Variants in LHX4 observed in about 807,000 individuals in gnomAD.
LHX4 encodes LIM/homeobox protein Lhx4.
Under a neutral mutation model 39.2 loss-of-function variants are expected in LHX4, and 16 were observed. The observed-to-expected ratio is 0.41, with a 90% CI of 0.28 to 0.62. The LOEUF (loss-of-function observed/expected upper bound fraction) is 0.62. Among genes scored for constraint, LHX4 ranks in the 20% least tolerant of loss-of-function variants. LHX4 has a pLI of 0.33. For missense variants in LHX4, 439 were observed against 511.9 expected (o/e 0.86, Z 1.37); for synonymous variants, 206 against 198.1 (o/e 1.04, Z -0.33).
rs1664158345 is a variant in LHX4 at position 180,230,807 on chromosome 1, TC to T, written c.76+204del. The stretch of plus-strand genomic sequence containing the variant: ...CTGTTTGGGGCCGAATGTGAACGCC[TC>T]CTGGATCATGCTTGAGGCGAGCCGA... On this transcript the variant is annotated intron_variant, in intron 1 of 5. Transcript: ENST00000263726. This position sits in a 1 kb window ranked among gnomAD's most constrained non-coding sequence, Gnocchi z 5.8. Among the ~76,000 whole-genome samples, 1 of 152,054 alleles carries T rather than the reference TC, an allele frequency of 6.6e-6. No homozygotes were observed. Among genetic ancestry groups the T allele is most frequent in the Non-Finnish European group, 1.5e-5 (1 of 67,998 alleles).
In LHX4 at chr1:180,258,503, G is replaced by T. The variant is rs555702818; in HGVS notation, c.249-7889G>T. Reference sequence around the variant, plus strand: ...GGCGAGGGTGTGACTTAGGCCCACTGTGGCGACCATGTGCAGAAGTGCCTG... The same window carrying T: ...GGCGAGGGTGTGACTTAGGCCCACTTTGGCGACCATGTGCAGAAGTGCCTG... On this transcript the variant is annotated intron_variant, in intron 2 of 5. Coordinates refer to ENST00000263726, the MANE Select transcript of LHX4 (RefSeq NM_033343.4). 3.5e-4 allele frequency among the ~76,000 whole-genome samples: 53 copies of T among 152,328 alleles called. No homozygotes were observed. The South Asian group carries it at 0.011, about 31-fold the overall frequency.
Position 180,230,994 on chromosome 1 carries a change from G to C in LHX4, c.76+389G>C, listed in dbSNP as rs1056919399. ...CGTGACGGTCAGCGCTTGCAGGACC[G>C]CTAGTGCAACTTCACCCCAGCTGGC... On this transcript the variant is annotated intron_variant, in intron 1 of 5. Coordinates refer to ENST00000263726, the MANE Select transcript of LHX4 (RefSeq NM_033343.4). The surrounding 1 kb of genome is among the most constrained non-coding windows in gnomAD (Gnocchi z 5.8). Among the ~76,000 whole-genome samples, 1 of 152,176 alleles carries C rather than the reference G, an allele frequency of 6.6e-6. No homozygotes were observed. The highest frequency in any genetic ancestry group is 2.1e-4 in the South Asian group (1 of 4,824).
chr1:180,243,892 A>C (rs1435817560), intron 1 of LHX4, among the ~76,000 whole-genome samples: 1 of 152,236 alleles, frequency 6.6e-6, no homozygotes, highest in African/African-American at 2.4e-5. Flanking sequence ...CTATCTAAAA[A>C]AATGACAGGC....
chr1:180,253,368 A>T (rs17371998), intron 2 of LHX4, among the ~76,000 whole-genome samples: 23,373 of 152,266 alleles, frequency 0.15, 2,336 homozygotes, highest in South Asian at 0.25. Flanking sequence ...GGAGCACAGC[A>T]CAGACCTCTT....
At chr1:180,255,142 G>A (rs1647792249) in intron 2 of LHX4, among the ~76,000 whole-genome samples, 1 of 152,258 alleles carries the variant, frequency 6.6e-6, no homozygotes. Context: ...CTGGTGGGAG[G>A]CGGCAGCCCG....
intron 2 of LHX4, among the ~76,000 whole-genome samples, chr1:180,254,359 C>T (rs1297838748): frequency 2.0e-5 from 3 of 152,224 alleles, no homozygotes; most frequent in Non-Finnish European, 4.4e-5. Flanking sequence ...CTGGGCCAGG[C>T]CAGGATCTCC....
Position 180,230,703 on chromosome 1 carries a change from G to T in LHX4, c.76+98G>T. ...CCGGACGCCGCTCAGGGGCCGGGAG[G>T]GGCTGGCGGCCGGGGCGCAGAGGCG... On this transcript the variant is annotated intron_variant, in intron 1 of 5. Coordinates refer to ENST00000263726, the MANE Select transcript of LHX4 (RefSeq NM_033343.4). This position sits in a 1 kb window ranked among gnomAD's most constrained non-coding sequence, Gnocchi z 5.8. The T allele has an allele frequency of 8.4e-7, 1 of 1,195,626 alleles. No homozygotes were observed. The highest frequency in any genetic ancestry group is 1.3e-5 in the South Asian group (1 of 79,268). 74.1% of individuals were successfully genotyped at this position (1,195,626 alleles called of 1,614,324 possible). A position where few individuals can be genotyped will look rare whatever the true frequency, so the allele number is the denominator to read the frequency against.
At chr1:180,240,240 C>T (rs1664416442) in intron 1 of LHX4, among the ~76,000 whole-genome samples, 1 of 152,192 alleles carries the variant, frequency 6.6e-6, no homozygotes, top group Non-Finnish European at 1.5e-5. Flanking sequence ...CACTATGTTG[C>T]CCAGACTGGT....
chr1:180,277,288 T>G lies in LHX4; in HGVS notation c.*2709T>G, dbSNP rs1315714835. The G allele has an allele frequency of 1.3e-5, 2 of 152,262 alleles. No homozygotes were observed. Among genetic ancestry groups the G allele is most frequent in the African/African-American group, 4.8e-5 (2 of 41,472 alleles). The allele number at this position is 152,262 out of a possible 1,614,324, so 9.4% of individuals were successfully genotyped here. ...TGGAGAAAAGCCGGGCATTCATTAC[T>G]TTTAGCTTCTCTTAGAGGCACTCCT... On this transcript the variant is annotated 3_prime_UTR_variant, in exon 6 of 6. Coordinates refer to ENST00000263726, the MANE Select transcript of LHX4 (RefSeq NM_033343.4).
chr1:180,261,689 A>C (rs1648118801), intron 2 of LHX4, among the ~76,000 whole-genome samples: 1 of 152,170 alleles, frequency 6.6e-6, no homozygotes, highest in South Asian at 2.1e-4. Flanking sequence ...TGAGAAGCAC[A>C]ACTAACTGCC....
At chr1:180,229,067 C>A (rs1036754160), upstream of LHX4, among the ~76,000 whole-genome samples, 3 of 152,244 alleles carry the variant, frequency 2.0e-5, no homozygotes, top group Non-Finnish European at 4.4e-5. Context: ...CAGCGTTGGG[C>A]CTTCTGTTGT....
Position 180,271,904 on chromosome 1 carries a change from C to A in LHX4, c.676C>A (p.Gln226Lys), listed in dbSNP as rs1648687454. The A allele has an allele frequency of 6.2e-7, 1 of 1,613,354 alleles. No homozygotes were observed. The highest frequency in any genetic ancestry group is 1.3e-5 in the African/African-American group (1 of 74,670). ...GGATGCAGGGCGGCACCGCTGGGGGCAGTTCTATAAGAGCGTCAAGAGGAG... is the reference window on the plus strand; with the variant it reads ...GGATGCAGGGCGGCACCGCTGGGGGAAGTTCTATAAGAGCGTCAAGAGGAG... ...KKDAGRHRWG[Q>K]FYKSVKRSRG... The change falls in exon 5 of 6, where the codon CAG becomes AAG. Residue 226 changes from glutamine to lysine, a missense_variant. By Grantham distance (53) the Gln-to-Lys change is moderately conservative. Transcript: ENST00000263726.
chr1:180,271,433 C>T lies in LHX4; in HGVS notation c.505C>T (p.Leu169=). 1 of 1,614,164 alleles carries T rather than the reference C, an allele frequency of 6.2e-7. No homozygotes were observed. The highest frequency in any genetic ancestry group is 1.1e-5 in the South Asian group (1 of 91,084). Residue 169 remains leucine, a synonymous_variant, in exon 4 of 6, where the codon CTG becomes TTG. Transcript: ENST00000263726. Reference sequence around the variant, plus strand: ...CCGGACCACCATCACAGCCAAGCAGCTGGAGACATTAAAGAATGCATACAA... The same window carrying T: ...CCGGACCACCATCACAGCCAAGCAGTTGGAGACATTAAAGAATGCATACAA... The part of the protein sequence containing the change: ...RPRTTITAKQ[L]ETLKNAYKNS...
At chr1:180,228,997 C>T (rs1201431076), upstream of LHX4, among the ~76,000 whole-genome samples, 2 of 152,202 alleles carry the variant, frequency 1.3e-5, no homozygotes, top group African/African-American at 2.4e-5. Flanking sequence ...GGGTGGGCTT[C>T]CCGCGCCTGC....
rs1389328209 is a variant in LHX4, at chr1:180,234,220, T to TATAA, written c.76+3616_76+3617insTAAA. Among the ~76,000 whole-genome samples the TATAA allele has an allele frequency of 2.6e-3, 182 of 70,196 alleles. 6 individuals carry two copies. Among genetic ancestry groups the TATAA allele is most frequent in the African/African-American group, 6.3e-3 (84 of 13,242 alleles). 46.1% of individuals were successfully genotyped at this position (70,196 alleles called of 152,430 possible). ...ATATATATATATATATATATATATA[T>TATAA]AATAGATTGAGATTCTATCATATTC... is the stretch of plus-strand genomic sequence containing the variant. On this transcript the variant is annotated intron_variant, in intron 1 of 5. Coordinates refer to ENST00000263726, the MANE Select transcript of LHX4 (RefSeq NM_033343.4). The surrounding 1 kb of genome is among the most constrained non-coding windows in gnomAD (Gnocchi z 4.8).
intron 2 of LHX4, among the ~76,000 whole-genome samples, chr1:180,256,654 G>A (rs1403267657): frequency 6.6e-6 from 1 of 152,226 alleles, no homozygotes; most frequent in Non-Finnish European, 1.5e-5. Flanking sequence ...GGAGTGGTCT[G>A]TGCCACCGCT....
chr1:180,239,413 T>A (rs1046965285), intron 1 of LHX4, among the ~76,000 whole-genome samples: 9 of 152,282 alleles, frequency 5.9e-5, no homozygotes, highest in Non-Finnish European at 1.2e-4. Flanking sequence ...TTCAGTTGCA[T>A]ATGTGATTCC....
chr1:180,245,131 C>A, intron 1 of LHX4, among the ~76,000 whole-genome samples: 1 of 152,198 alleles, frequency 6.6e-6, no homozygotes, highest in Non-Finnish European at 1.5e-5. Context: ...GAGGCCTGGG[C>A]AGTCCTCCCT....
Position 180,273,792 on chromosome 1 carries a change from C to T in LHX4, c.779-393C>T, listed in dbSNP as rs573146549. On this transcript the variant is annotated intron_variant, in intron 5 of 5. Coordinates refer to ENST00000263726, the MANE Select transcript of LHX4 (RefSeq NM_033343.4). ...TCAACTAAACCAAGCCCTTTCTCAG[C>T]TTGAAAGCTTTCAGGGTAAATGTTG... 3.8e-4 allele frequency: 95 copies of T among 250,988 alleles called. 3 individuals are homozygous for T. The South Asian group carries it at 4.7e-3, about 13-fold the overall frequency. The allele number at this position is 250,988 out of a possible 1,614,324, so 15.5% of individuals were successfully genotyped here.
Sources: gnomAD v4.1 joint callset for allele counts (sites outside exome capture counted in the v4.1 genomes callset) on GRCh38, gnomAD v4.1.1 for gene constraint, Gnocchi (gnomAD v3.1) non-coding constraint, MANE v1.5 for transcripts, NCBI Gene and HGNC (gene_info 2026-07-23, HGNC 2026-07-21) for gene names.